SLC3A2: variants seen among roughly 807,000 people sequenced by gnomAD.
The protein encoded by SLC3A2 is amino acid transporter heavy chain SLC3A2.
SLC3A2 carries 32 observed loss-of-function variants against 48.5 expected under a neutral mutation model. The observed-to-expected ratio is 0.66, with a 90% CI of 0.50 to 0.89. SLC3A2 has a LOEUF of 0.89. Among genes scored for constraint, SLC3A2 ranks in the 40% least tolerant of loss-of-function variants. The pLI is 0.00. For missense variants in SLC3A2, 587 were observed against 680.7 expected, an observed-to-expected ratio of 0.86 and a Z score of 1.53; for synonymous variants, 277 against 288.8, an observed-to-expected ratio of 0.96 and a Z score of 0.41.
chr11:62,888,673 C>A lies in SLC3A2; in HGVS notation c.1570C>A (p.Arg524Ser). ...GGAGCCTCACGAAGGGCTGCTGCTC[C>A]GCTTCCCCTACGCGGCCTGACTTCA... ...KLEPHEGLLL[R>S]FPYAA Residue 524 changes from arginine (R) to serine (S), a missense_variant, in exon 9 of 9, where the codon CGC becomes AGC. Physicochemically the swap from Arg to Ser is moderately radical, Grantham distance 110. Around this residue, in one of 3 missense-constraint regions of SLC3A2, gnomAD observed 169 missense variants for 204.4 expected, o/e 0.83. Coordinates refer to ENST00000338663, the MANE Select transcript of SLC3A2 (RefSeq NM_001013251.3). The A allele has an allele frequency of 6.3e-7, 1 of 1,598,216 alleles. No homozygotes were observed. The highest frequency in any genetic ancestry group is 1.3e-5 in the African/African-American group (1 of 75,010).
At chr11:62,868,239 A>T (rs1191433688) in intron 1 of SLC3A2, among the ~76,000 whole-genome samples, 2 of 150,858 alleles carry the variant, frequency 1.3e-5, no homozygotes, top group African/African-American at 2.4e-5. Flanking sequence ...CAAATTTCCA[A>T]ATTTTTACTA....
chr11:62,875,583 C>T (rs1341330899), intron 1 of SLC3A2, among the ~76,000 whole-genome samples: 7 of 152,136 alleles, frequency 4.6e-5, no homozygotes, highest in Non-Finnish European at 8.8e-5. Flanking sequence ...GTTTATTTTT[C>T]GAGATGGAGT....
chr11:62,887,951 C>T (rs971775516), intron 7 of SLC3A2, 184 bp from the exon 8 acceptor site: 5 of 510,458 alleles, frequency 9.8e-6, no homozygotes, highest in Admixed American at 3.3e-5. Flanking sequence ...TAACACTACA[C>T]CCAGCTAATT....
At chr11:62,886,340 A>C (rs935006843) in intron 7 of SLC3A2, 2 of 151,678 alleles carry the variant, frequency 1.3e-5, no homozygotes, top group African/African-American at 2.4e-5. Flanking sequence ...TAGGGATACT[A>C]CTACAAAGGC....
At chr11:62,856,827 CTTT>C (rs11337244) in intron 1 of SLC3A2, among the ~76,000 whole-genome samples, 14 of 126,014 alleles carry the variant, frequency 1.1e-4, no homozygotes, top group East Asian at 2.2e-4. Flanking sequence ...TTTTTTCTTT[CTTT>C]TTTTTTTTTT....
chr11:62,884,522 G>A lies in SLC3A2; in HGVS notation c.756G>A (p.Leu252=), dbSNP rs2085681816. The change falls in exon 4 of 9, where the codon CTG becomes CTA. Residue 252 remains leucine (L), a synonymous_variant. Transcript: ENST00000338663. ...TCCAGGTTCGGGACATAGAGAATCT[G>A]AAGGTGAGTTCCCTTTCCACATTAG... ...DGFQVRDIEN[L]KDASSFLAEW... is the part of the protein sequence containing the mutation. 6.2e-7 allele frequency: 1 copy of A among 1,614,252 alleles called. No homozygotes were observed. Among genetic ancestry groups the A allele is most frequent in the South Asian group, 1.1e-5 (1 of 91,092 alleles).
chr11:62,867,482 C>T (rs985272832), intron 1 of SLC3A2, among the ~76,000 whole-genome samples: 1 of 151,576 alleles, frequency 6.6e-6, no homozygotes, highest in African/African-American at 2.4e-5. Flanking sequence ...TGCACCATCA[C>T]ACCCAGCTAA....
intron 1 of SLC3A2, among the ~76,000 whole-genome samples, chr11:62,869,746 AATTT>A (rs894399505): frequency 2.7e-5 from 4 of 150,714 alleles, no homozygotes; most frequent in Non-Finnish European, 4.4e-5. Context: ...AATGTTGCAC[AATTT>A]ATTTGTCTTT....
In SLC3A2 at chr11:62,882,994, G is replaced by T. The variant is rs775017768; in HGVS notation, c.685G>T (p.Val229Leu). Residue 229 changes from valine (V) to leucine (L), a missense_variant, in exon 3 of 9, where the codon GTG (valine) becomes TTG (leucine). Physicochemically the swap from Val to Leu is conservative, Grantham distance 32. Transcript: ENST00000338663. ...TCAGGTTGACACTGTGGCCACCAAG[G>T]TGAAGGTGAGTGTTGGAGCTGATGG... Reference protein sequence around the residue: ...STQVDTVATKVKDALEFWLQA... With the variant: ...STQVDTVATKLKDALEFWLQA... 1.4e-5 allele frequency: 22 copies of T among 1,614,100 alleles called. No homozygotes were observed. The highest frequency in any genetic ancestry group is 1.8e-5 in the Non-Finnish European group (21 of 1,179,932).
At chr11:62,871,480 TCCGC>T in intron 1 of SLC3A2, 1 of 425,332 alleles carries the variant, frequency 2.4e-6, no homozygotes, top group Non-Finnish European at 4.1e-6. Context: ...TCTCAGGTTA[TCCGC>T]CCGTCTCGGC....
intron 1 of SLC3A2, among the ~76,000 whole-genome samples, chr11:62,868,330 C>T (rs549431798): frequency 6.7e-6 from 1 of 150,290 alleles, no homozygotes; most frequent in East Asian, 2.0e-4. Context: ...ATGAATCTAG[C>T]TAGGACTGTT....
intron 1 of SLC3A2, among the ~76,000 whole-genome samples, chr11:62,856,827 CT>C (rs11337244): frequency 0.89 from 111,859 of 126,020 alleles, 49,432 homozygotes; most frequent in Admixed American, 0.92. Flanking sequence ...TTTTTTCTTT[CT>C]TTTTTTTTTT....
chr11:62,869,243 T>C (rs1392937569), intron 1 of SLC3A2, among the ~76,000 whole-genome samples: 1 of 151,062 alleles, frequency 6.6e-6, no homozygotes, highest in Non-Finnish European at 1.5e-5. Context: ...AATTTCTATT[T>C]GGTGGGTGCC....
At position 62,888,131 on chromosome 11, in the gene SLC3A2, TC is replaced by T. The variant is rs746557645; in HGVS notation, c.1144-3del. On this transcript the variant is annotated splice_polypyrimidine_tract_variant and splice_region_variant and intron_variant, in intron 7 of 8. Transcript: ENST00000338663. ...TTTAAAGTCCTATTTTCTCTGCTTT[TC>T]AGCCTATGGAGGCTCCAGTCATGCT... 37 of 1,612,542 alleles carry T rather than the reference TC, an allele frequency of 2.3e-5. No homozygotes were observed. In the African/African-American group the frequency reaches 3.1e-4, roughly 13 times the overall value.
chr11:62,869,090 G>A (rs142290675), intron 1 of SLC3A2, among the ~76,000 whole-genome samples: 7 of 151,618 alleles, frequency 4.6e-5, no homozygotes, highest in African/African-American at 1.7e-4. Flanking sequence ...GTAGAGACAG[G>A]GTTTCACCAT....
At chr11:62,883,843 T>C in intron 3 of SLC3A2, 1 of 375,506 alleles carries the variant, frequency 2.7e-6, no homozygotes, top group Non-Finnish European at 5.3e-6. Flanking sequence ...GGGGTGAAGT[T>C]CCACAGTGTG....
At chr11:62,862,521 A>T (rs1036041990) in intron 1 of SLC3A2, among the ~76,000 whole-genome samples, 2 of 151,352 alleles carry the variant, frequency 1.3e-5, no homozygotes, top group African/African-American at 4.9e-5. Context: ...CCCTATCGCC[A>T]CCCCTCCCCC....
intron 1 of SLC3A2, chr11:62,871,759 T>C (rs2085519743): frequency 6.7e-6 from 3 of 448,292 alleles, no homozygotes; most frequent in Non-Finnish European, 7.9e-6. Flanking sequence ...ATATCTTTAC[T>C]ATTCTCTGCC....
At chr11:62,873,801 A>G (rs1027746641) in intron 1 of SLC3A2, among the ~76,000 whole-genome samples, 22 of 151,196 alleles carry the variant, frequency 1.5e-4, no homozygotes, top group African/African-American at 5.4e-4. Flanking sequence ...GTTTATTTCT[A>G]ATTTTTATTT....
Sources: gnomAD v4.1 joint callset for allele counts (sites outside exome capture counted in the v4.1 genomes callset) on GRCh38, gnomAD v4.1.1 for gene constraint, gnomAD v4.1.1 regional missense constraint, MANE v1.5 for transcripts, NCBI Gene and HGNC (gene_info 2026-07-23, HGNC 2026-07-21) for gene names.